Variants in TEAD1 observed in about 807,000 individuals in gnomAD.
The protein encoded by TEAD1 is transcriptional enhancer factor TEF-1.
A neutral mutation model predicts 54.9 loss-of-function variants in TEAD1; 9 were observed. The ratio of observed to expected loss-of-function variants is 0.16; its 90% CI spans 0.10 to 0.29. The LOEUF is 0.29. Ranked by LOEUF, TEAD1 falls within the 10% of genes least tolerant of loss-of-function variation. The probability of loss-of-function intolerance (pLI) is 1.00; values close to 1 mark genes in which losing one functional copy is unlikely to be tolerated. For missense variants in TEAD1, 387 were observed against 535.9 expected, an observed-to-expected ratio of 0.72 and a Z score of 2.74; for synonymous variants, 200 against 187.8, an observed-to-expected ratio of 1.07 and a Z score of -0.53.
At chr11:12,781,976 G>GAAA (rs1436210098) in intron 3 of TEAD1, among the ~76,000 whole-genome samples, 1 of 119,850 alleles carries the variant, frequency 8.3e-6, no homozygotes. Flanking sequence ...AAAAAAGAAA[G>GAAA]AAAAAAAGAA....
At chr11:12,872,687 C>G (rs1344611223) in intron 5 of TEAD1, among the ~76,000 whole-genome samples, 1 of 152,186 alleles carries the variant, frequency 6.6e-6, no homozygotes, top group Non-Finnish European at 1.5e-5. Context: ...TCTCATCATT[C>G]TACATTTTTA....
chr11:12,878,844 C>T, intron 5 of TEAD1: 2 of 1,246,036 alleles, frequency 1.6e-6, no homozygotes, highest in Non-Finnish European at 2.1e-6. Flanking sequence ...AAAAAAATCC[C>T]TTTTTATGCA....
At chr11:12,845,894 C>CAG (rs1947136987) in intron 3 of TEAD1, among the ~76,000 whole-genome samples, 2 of 152,242 alleles carry the variant, frequency 1.3e-5, no homozygotes, top group South Asian at 4.1e-4. Context: ...GCATACCACA[C>CAG]AGGAAAGAGG....
intron 2 of TEAD1, among the ~76,000 whole-genome samples, chr11:12,752,526 G>A (rs115658814): frequency 0.01 from 1,569 of 152,230 alleles, 30 homozygotes; most frequent in African/African-American, 0.037. Flanking sequence ...AGACAGTATA[G>A]TATATATTTC....
At chr11:12,680,433 C>G (rs1943194661) in intron 2 of TEAD1, among the ~76,000 whole-genome samples, 1 of 152,232 alleles carries the variant, frequency 6.6e-6, no homozygotes, top group Non-Finnish European at 1.5e-5. Context: ...GAATTCACTT[C>G]CGTGGTGGTG....
At chr11:12,850,103 C>T (rs937822805) in intron 3 of TEAD1, among the ~76,000 whole-genome samples, 3 of 152,112 alleles carry the variant, frequency 2.0e-5, no homozygotes, top group South Asian at 4.2e-4. Context: ...GTTCAAGCAA[C>T]GAAGACATAT....
chr11:12,935,472 ATTTT>A (rs1220363543), intron 12 of TEAD1, among the ~76,000 whole-genome samples: 9 of 151,390 alleles, frequency 5.9e-5, no homozygotes, highest in African/African-American at 2.2e-4. Context: ...TTATTTATTT[ATTTT>A]TGAGGTAGAG....
At chr11:12,852,966 A>G (rs4757953) in intron 3 of TEAD1, among the ~76,000 whole-genome samples, 108,268 of 152,082 alleles carry the variant, frequency 0.71, 38,762 homozygotes, top group East Asian at 0.77. Context: ...CATTCCCCTC[A>G]TATACTAAGT....
rs1213879442 is a variant in TEAD1, at chr11:12,840,977, CTCAAGTTA to C, written c.203-21269_203-21262del. Among the ~76,000 whole-genome samples, 27 of 152,314 alleles carry C rather than the reference CTCAAGTTA, an allele frequency of 1.8e-4. No homozygotes were observed. The South Asian group carries it at 5.4e-3, about 30-fold the overall frequency. On this transcript the variant is annotated intron_variant, in intron 3 of 12. Transcript: ENST00000527636. ...ATTGAAATGGAATACTTTTTCTCAT[CTCAAGTTA>C]TCAGTTGTAGCTGTCAGGAATTTGT...
intron 3 of TEAD1, among the ~76,000 whole-genome samples, chr11:12,782,308 T>C (rs1945573738): frequency 6.6e-6 from 1 of 152,186 alleles, no homozygotes; most frequent in Admixed American, 6.5e-5. Flanking sequence ...TGTACCACAA[T>C]ATGGATGACA....
chr11:12,870,603 A>G (rs1424064522), intron 5 of TEAD1, among the ~76,000 whole-genome samples: 1 of 152,130 alleles, frequency 6.6e-6, no homozygotes, highest in African/African-American at 2.4e-5. Flanking sequence ...ATCTAGGACA[A>G]GGCTGGGCAC....
chr11:12,881,911 G>T lies in TEAD1; in HGVS notation c.528G>T (p.Val176=), dbSNP rs1947979293. ...CTGTTCCCAGCGTCAAGCCTTTTGT[G>T]CAGCAGGCCTACCCCATCCAGCCAG... Residue 176 remains valine (V), a synonymous_variant, in exon 8 of 13, where the codon GTG becomes GTT. Coordinates refer to ENST00000527636, the MANE Select transcript of TEAD1 (RefSeq NM_021961.6). 1.2e-6 allele frequency: 2 copies of T among 1,614,188 alleles called. No individual in the cohort carries two copies. The highest frequency in any genetic ancestry group is 2.2e-5 in the South Asian group (2 of 91,086).
At chr11:12,680,636 G>A (rs979351599) in intron 2 of TEAD1, among the ~76,000 whole-genome samples, 5 of 152,194 alleles carry the variant, frequency 3.3e-5, no homozygotes, top group Non-Finnish European at 5.9e-5. Flanking sequence ...CCCCGTACAC[G>A]TGCTCACATG....
At chr11:12,695,989 A>G (rs185085689) in intron 2 of TEAD1, among the ~76,000 whole-genome samples, 456 of 152,322 alleles carry the variant, frequency 3.0e-3, no homozygotes, top group African/African-American at 0.01. Context: ...ATACATTCCT[A>G]TTTGATAGCA....
chr11:12,735,667 A>C (rs958810835), intron 2 of TEAD1, among the ~76,000 whole-genome samples: 1 of 150,974 alleles, frequency 6.6e-6, no homozygotes, highest in Non-Finnish European at 1.5e-5. Flanking sequence ...TATGTTAACC[A>C]TGAGGCATGT....
At chr11:12,739,325 G>A (rs182607346) in intron 2 of TEAD1, among the ~76,000 whole-genome samples, 4 of 152,096 alleles carry the variant, frequency 2.6e-5, no homozygotes, top group Admixed American at 2.6e-4. Flanking sequence ...TCATTTTTAA[G>A]TGTACAGTTT....
intron 3 of TEAD1, among the ~76,000 whole-genome samples, chr11:12,803,909 T>C (rs1395150168): frequency 2.0e-5 from 3 of 152,190 alleles, no homozygotes; most frequent in South Asian, 4.1e-4. Context: ...GAAGCAGCGT[T>C]GTGGATTTGG....
intron 3 of TEAD1, among the ~76,000 whole-genome samples, chr11:12,834,723 A>C (rs558329451): frequency 2.1e-5 from 3 of 141,896 alleles, no homozygotes; most frequent in Non-Finnish European, 4.6e-5. Flanking sequence ...CAGCCTCCCA[A>C]AGTATTGGGA....
At chr11:12,876,353 G>T (rs1947854050) in intron 5 of TEAD1, among the ~76,000 whole-genome samples, 1 of 152,166 alleles carries the variant, frequency 6.6e-6, no homozygotes, top group Non-Finnish European at 1.5e-5. Context: ...AAAGCGGGAT[G>T]TGGAGATGCA....
Sources: gnomAD v4.1 joint callset for allele counts (sites outside exome capture counted in the v4.1 genomes callset) on GRCh38, gnomAD v4.1.1 for gene constraint, MANE v1.5 for transcripts, NCBI Gene and HGNC (gene_info 2026-07-23, HGNC 2026-07-21) for gene names.